Variants in PLD5 observed in about 807,000 individuals in gnomAD.
The protein encoded by PLD5 is inactive phospholipase D5.
Under a neutral mutation model 61.1 loss-of-function variants are expected in PLD5, and 36 were observed. That is an observed-to-expected ratio of 0.59 (90% confidence interval 0.45 to 0.78). The LOEUF (loss-of-function observed/expected upper bound fraction) is 0.78. Ranked by LOEUF, PLD5 falls within the 30% of genes least tolerant of loss-of-function variation. The pLI, the probability that PLD5 is intolerant of heterozygous loss-of-function variation, is 0.00. For synonymous variants in PLD5, 243 were observed against 242.8 expected, an observed-to-expected ratio of 1.00 and a Z score of -0.01; for missense variants, 515 against 644.4, an observed-to-expected ratio of 0.80 and a Z score of 2.17.
At chr1:242,433,286 A>C (rs1665818916) in intron 1 of PLD5, among the ~76,000 whole-genome samples, 1 of 152,180 alleles carries the variant, frequency 6.6e-6, no homozygotes, top group African/African-American at 2.4e-5. Flanking sequence ...AAACCACACA[A>C]GTATTAAATA....
rs75612593 is a variant in PLD5 at position 242,488,960 on chromosome 1, T to C, written c.189+35128A>G. Among the ~76,000 whole-genome samples the C allele has an allele frequency of 2.4e-3, 358 of 152,286 alleles. 2 individuals carry two copies. The highest frequency in any genetic ancestry group is 8.3e-3 in the African/African-American group (345 of 41,574). ...ATGATTAAAACTTGAAAATGAATTC[T>C]AGTAATAGTAGCAACAAGAATGTGA... On this transcript the variant is annotated intron_variant, in intron 1 of 9. Transcript: ENST00000536534.
chr1:242,382,145 C>CAAA (rs1662328128), intron 1 of PLD5, among the ~76,000 whole-genome samples: 1 of 129,404 alleles, frequency 7.7e-6, no homozygotes, highest in East Asian at 2.2e-4. Context: ...AAAAACAAAA[C>CAAA]AAAAAACTGA....
intron 5 of PLD5, among the ~76,000 whole-genome samples, chr1:242,129,223 T>G (rs1353686754): frequency 4.6e-5 from 7 of 152,214 alleles, no homozygotes; most frequent in Non-Finnish European, 1.0e-4. Context: ...AGCTGCTGAT[T>G]GCTGTGAGGT....
intron 1 of PLD5, among the ~76,000 whole-genome samples, chr1:242,434,952 G>T (rs2102895921): frequency 6.6e-6 from 1 of 152,242 alleles, no homozygotes; most frequent in Non-Finnish European, 1.5e-5. Context: ...TTACCATGGT[G>T]GTTTGCAGCA....
chr1:242,128,910 C>T (rs973647403), intron 5 of PLD5, among the ~76,000 whole-genome samples: 24 of 152,174 alleles, frequency 1.6e-4, no homozygotes, highest in African/African-American at 5.6e-4. Flanking sequence ...AATATTAGCT[C>T]AGTGCCTGGC....
intron 3 of PLD5, among the ~76,000 whole-genome samples, chr1:242,266,645 T>G (rs1256028362): frequency 6.6e-6 from 1 of 152,254 alleles, no homozygotes; most frequent in African/African-American, 2.4e-5. Flanking sequence ...TCAAATGCCT[T>G]CAGGAGCTAA....
At chr1:242,463,525 T>A (rs1205888547) in intron 1 of PLD5, among the ~76,000 whole-genome samples, 1 of 152,128 alleles carries the variant, frequency 6.6e-6, no homozygotes, top group Non-Finnish European at 1.5e-5. Flanking sequence ...TCCCCAAACT[T>A]CCAACGCCTT....
At chr1:242,158,667 G>A (rs1469402500) in intron 5 of PLD5, among the ~76,000 whole-genome samples, 1 of 152,114 alleles carries the variant, frequency 6.6e-6, no homozygotes, top group East Asian at 1.9e-4. Flanking sequence ...CAATCCCAGT[G>A]AGATGAAACA....
At chr1:242,090,468 A>G (rs1245541067) in intron 9 of PLD5, among the ~76,000 whole-genome samples, 2 of 152,246 alleles carry the variant, frequency 1.3e-5, no homozygotes. Context: ...AGTAATTACT[A>G]CCTTCTCAAA....
intron 5 of PLD5, among the ~76,000 whole-genome samples, chr1:242,150,311 T>C (rs575009348): frequency 6.6e-6 from 1 of 151,880 alleles, no homozygotes; most frequent in African/African-American, 2.4e-5. Context: ...CTATAAACAT[T>C]GGTTAGGTCA....
At position 242,379,031 on chromosome 1, in the gene PLD5, C is replaced by A. The variant is rs147752504; in HGVS notation, c.190-30789G>T. On this transcript the variant is annotated intron_variant, in intron 1 of 9. Transcript: ENST00000536534. ...ATTCCTAGTCTTTCACACTTCAGAA[C>A]TTTTCCACCACATTCCAATAGGCAA... 2.3e-3 allele frequency among the ~76,000 whole-genome samples: 357 copies of A among 152,206 alleles called. 1 individual carries two copies. Among genetic ancestry groups the A allele is most frequent in the African/African-American group, 8.2e-3 (342 of 41,530 alleles).
At chr1:242,225,005 AT>A (rs575911698) in intron 4 of PLD5, among the ~76,000 whole-genome samples, 1 of 152,130 alleles carries the variant, frequency 6.6e-6, no homozygotes, top group Non-Finnish European at 1.5e-5. Flanking sequence ...ACGCAGCAGG[AT>A]TTTTTGCGTG....
intron 4 of PLD5, among the ~76,000 whole-genome samples, chr1:242,242,702 T>C (rs1471021353): frequency 6.6e-6 from 1 of 152,200 alleles, no homozygotes; most frequent in Non-Finnish European, 1.5e-5. Flanking sequence ...GAGGGTTAAA[T>C]AAGAATATAG....
chr1:242,428,289 C>T (rs577630560), intron 1 of PLD5, among the ~76,000 whole-genome samples: 5 of 152,318 alleles, frequency 3.3e-5, no homozygotes, highest in African/African-American at 7.2e-5. Context: ...ATTTTGCCTT[C>T]AACTGCCTTG....
rs1214392892 is a variant in PLD5 at position 242,394,791 on chromosome 1, AAT to A, written c.190-46551_190-46550del. Among the ~76,000 whole-genome samples the A allele has an allele frequency of 4.0e-4, 17 of 42,090 alleles. 7 individuals are homozygous for A. Among genetic ancestry groups the A allele is most frequent in the African/African-American group, 1.8e-3 (14 of 7,582 alleles). 27.6% of individuals were successfully genotyped at this position (42,090 alleles called of 152,430 possible). A position where few individuals can be genotyped will look rare whatever the true frequency, so the allele number is the denominator to read the frequency against. The stretch of plus-strand genomic sequence containing the variant: ...GTGAATATATATGTGTATATATGTG[AAT>A]ATATATGTGTATATATGTGAATATA... On this transcript the variant is annotated intron_variant, in intron 1 of 9. Coordinates refer to ENST00000536534, the MANE Select transcript of PLD5 (RefSeq NM_001372062.1).
intron 1 of PLD5, among the ~76,000 whole-genome samples, chr1:242,452,586 C>T (rs12068333): frequency 0.02 from 3,058 of 152,182 alleles, 102 homozygotes; most frequent in African/African-American, 0.069. Flanking sequence ...GAAGCTGAGG[C>T]GGGTGGATCG....
chr1:242,464,543 C>T (rs751810549), intron 1 of PLD5, among the ~76,000 whole-genome samples: 6 of 152,202 alleles, frequency 3.9e-5, no homozygotes, highest in Admixed American at 6.5e-5. Flanking sequence ...AGGAAACCCT[C>T]ATTCTCTCAT....
At chr1:242,476,153 G>A (rs61474827) in intron 1 of PLD5, among the ~76,000 whole-genome samples, 497 of 152,158 alleles carry the variant, frequency 3.3e-3, no homozygotes, top group African/African-American at 0.011. Flanking sequence ...TCAGGAGTTC[G>A]AGACCAGCCT....
Position 242,418,471 on chromosome 1 carries a change from T to C in PLD5, c.190-70229A>G, listed in dbSNP as rs1320300799. ...GTACATGGTATTTACAGGGAGGTGTTTGGGTGGGATCATCAAAAGAAGTGC... is the reference window on the plus strand; with the variant it reads ...GTACATGGTATTTACAGGGAGGTGTCTGGGTGGGATCATCAAAAGAAGTGC... On this transcript the variant is annotated intron_variant, in intron 1 of 9. Transcript: ENST00000536534. 2.0e-5 allele frequency among the ~76,000 whole-genome samples: 3 copies of C among 152,006 alleles called. No homozygotes were observed. The South Asian group carries it at 6.2e-4, about 32-fold the overall frequency.
Sources: allele counts gnomAD v4.1 joint callset (sites outside exome capture counted in the v4.1 genomes callset), GRCh38; gene constraint gnomAD v4.1.1; transcripts MANE v1.5; gene names NCBI Gene and HGNC (gene_info 2026-07-23, HGNC 2026-07-21).